The following TBL1X variants were observed in gnomAD, a reference collection of about 807,000 sequenced individuals.
The protein encoded by TBL1X is F-box-like/WD repeat-containing protein TBL1X.
Under a neutral mutation model 50.7 loss-of-function variants are expected in TBL1X, and 10 were observed. The observed-to-expected ratio is 0.20, with a 90% CI of 0.12 to 0.33. The LOEUF (loss-of-function observed/expected upper bound fraction) is 0.33. TBL1X is among the 10% of genes least tolerant of loss of function. The probability of loss-of-function intolerance (pLI) is 1.00; values close to 1 mark genes in which losing one functional copy is unlikely to be tolerated. For missense variants in TBL1X, 340 were observed against 504.4 expected, an observed-to-expected ratio of 0.67 and a Z score of 3.12; for synonymous variants, 190 against 214.7, an observed-to-expected ratio of 0.88 and a Z score of 1.01.
At chrX:9,652,949 G>A (rs1294704784) in intron 3 of TBL1X, among the ~76,000 whole-genome samples, 1 of 111,059 alleles carries the variant, frequency 9.0e-6, no homozygotes, top group Non-Finnish European at 1.9e-5. Flanking sequence ...GGTGGGTCAC[G>A]AGGTCAGGAG....
intron 2 of TBL1X, among the ~76,000 whole-genome samples, chrX:9,545,860 G>C (rs1376665689): frequency 9.0e-6 from 1 of 111,645 alleles, no homozygotes; most frequent in Admixed American, 9.4e-5. Flanking sequence ...TGTATTTTAC[G>C]TCTCTTTAGT....
intron 2 of TBL1X, among the ~76,000 whole-genome samples, chrX:9,511,194 G>C (rs931485006): frequency 4.4e-5 from 5 of 112,482 alleles, no homozygotes; most frequent in African/African-American, 1.6e-4. Context: ...GTACTCAATG[G>C]GAGTTAAAAC....
chrX:9,669,099 A>G (rs1319070413), intron 5 of TBL1X, among the ~76,000 whole-genome samples: 1 of 111,958 alleles, frequency 8.9e-6, no homozygotes, highest in Non-Finnish European at 1.9e-5. Context: ...ATCTTCTGTT[A>G]ACACTGAATT....
In TBL1X at chrX:9,486,607, C is replaced by T. The variant is rs759063847; in HGVS notation, c.-200-15173C>T. 4.6e-5 allele frequency among the ~76,000 whole-genome samples: 5 copies of T among 108,161 alleles called. No homozygotes were observed. In the South Asian group the frequency reaches 1.3e-3, roughly 27 times the overall value. 93.9% of individuals were successfully genotyped at this position (108,161 alleles called of 115,157 possible). A position where few individuals can be genotyped will look rare whatever the true frequency, so the allele number is the denominator to read the frequency against. On this transcript the variant is annotated intron_variant, in intron 1 of 17. Transcript: ENST00000645353. ...AACACACACCCCCCCCCCACGCCCC[C>T]GCCGCCTCAAGTCTTCCCACCTTTC...
At chrX:9,499,989 A>AG (rs2081991963) in intron 1 of TBL1X, among the ~76,000 whole-genome samples, 1 of 108,110 alleles carries the variant, frequency 9.2e-6, no homozygotes, top group Admixed American at 9.9e-5. Context: ...CAAAAAAAAA[A>AG]AAGAACTGCT....
chrX:9,517,523 C>T, intron 2 of TBL1X, among the ~76,000 whole-genome samples: 1 of 111,966 alleles, frequency 8.9e-6, no homozygotes, highest in Non-Finnish European at 1.9e-5. Context: ...ACTAGAAAGA[C>T]TCTTTCCGTT....
At chrX:9,659,999 A>G (rs1174140411) in intron 5 of TBL1X, among the ~76,000 whole-genome samples, 3 of 112,241 alleles carry the variant, frequency 2.7e-5, no homozygotes, top group Non-Finnish European at 5.6e-5. Flanking sequence ...CCCCTCCTTA[A>G]GCAGTGCCGT....
chrX:9,622,659 CTTTG>C (rs906649526), intron 2 of TBL1X, among the ~76,000 whole-genome samples: 3 of 110,773 alleles, frequency 2.7e-5, no homozygotes, highest in African/African-American at 6.6e-5. Context: ...TTGTTTGTTT[CTTTG>C]TTTGTTTTTT....
At chrX:9,525,257 G>T (rs1199104389) in intron 2 of TBL1X, among the ~76,000 whole-genome samples, 1 of 111,886 alleles carries the variant, frequency 8.9e-6, no homozygotes, top group East Asian at 2.8e-4. Context: ...AGCTGTTTTT[G>T]TTCTCCTTCC....
At chrX:9,690,957 C>T (rs1356403040) in intron 7 of TBL1X, among the ~76,000 whole-genome samples, 1 of 110,943 alleles carries the variant, frequency 9.0e-6, no homozygotes, top group South Asian at 3.9e-4. Flanking sequence ...GTTGCCCAGG[C>T]TGCTGTTGAA....
At chrX:9,524,458 C>CA (rs1420163177) in intron 2 of TBL1X, among the ~76,000 whole-genome samples, 5 of 112,141 alleles carry the variant, frequency 4.5e-5, no homozygotes, top group African/African-American at 1.6e-4. Context: ...TCTGGGACCT[C>CA]AGATACGTGG....
At position 9,565,271 on chromosome X, in the gene TBL1X, C is replaced by CAAAAAAAAAA. The variant is rs757679440; in HGVS notation, c.-131+63435_-131+63444dup. Among the ~76,000 whole-genome samples the CAAAAAAAAAA allele has an allele frequency of 3.1e-3, 114 of 37,358 alleles. 7 individuals carry two copies. The highest frequency in any genetic ancestry group is 9.0e-3 in the African/African-American group (81 of 8,994). 32.4% of individuals were successfully genotyped at this position (37,358 alleles called of 115,157 possible). ...TGGGTGGCAGAGCGAGACTCCGTCT[C>CAAAAAAAAAA]AAAAAAAAAAAAAAAAAAAAAATCA... On this transcript the variant is annotated intron_variant, in intron 2 of 17. Coordinates refer to ENST00000645353, the MANE Select transcript of TBL1X (RefSeq NM_005647.4).
intron 2 of TBL1X, among the ~76,000 whole-genome samples, chrX:9,514,633 G>A (rs2082072772): frequency 8.9e-6 from 1 of 112,160 alleles, no homozygotes; most frequent in Non-Finnish European, 1.9e-5. Flanking sequence ...ACATAGTGCT[G>A]TCAGATCCCA....
intron 4 of TBL1X, 63 bp from the exon 5 acceptor site, chrX:9,654,152 C>T: frequency 1.0e-6 from 1 of 980,519 alleles, no homozygotes; most frequent in Non-Finnish European, 1.4e-6. Flanking sequence ...CTTTAGTCAT[C>T]TCAAAAAAAA....
At chrX:9,684,336 G>A in intron 6 of TBL1X, 148 bp downstream of exon 6, 1 of 839,692 alleles carries the variant, frequency 1.2e-6, no homozygotes, top group East Asian at 3.5e-5. Flanking sequence ...TGTAATCCCA[G>A]GACTTTGGGA....
intron 2 of TBL1X, among the ~76,000 whole-genome samples, chrX:9,562,083 T>G (rs765120928): frequency 5.3e-5 from 6 of 112,342 alleles, no homozygotes; most frequent in African/African-American, 1.9e-4. Context: ...AGGAAGAGAT[T>G]AATTAGGATT....
chrX:9,560,016 A>G (rs974984096), intron 2 of TBL1X, among the ~76,000 whole-genome samples: 2 of 111,628 alleles, frequency 1.8e-5, no homozygotes, highest in Non-Finnish European at 3.8e-5. Flanking sequence ...TGTTTTACAT[A>G]TAATATCTCT....
At chrX:9,544,869 A>G (rs1045318143) in intron 2 of TBL1X, among the ~76,000 whole-genome samples, 8 of 111,866 alleles carry the variant, frequency 7.2e-5, no homozygotes, top group African/African-American at 2.6e-4. Context: ...CCCAGCCTCA[A>G]TATTTATTTC....
intron 1 of TBL1X, among the ~76,000 whole-genome samples, chrX:9,495,926 G>A (rs1269941621): frequency 8.9e-6 from 1 of 112,377 alleles, no homozygotes; most frequent in African/African-American, 3.2e-5. Context: ...CACGCTGCAT[G>A]TTTGAGAATG....
Sources: gnomAD v4.1 joint callset for allele counts (sites outside exome capture counted in the v4.1 genomes callset) on GRCh38, gnomAD v4.1.1 for gene constraint, MANE v1.5 for transcripts, NCBI Gene and HGNC (gene_info 2026-07-23, HGNC 2026-07-21) for gene names.